The following NME7 variants were observed in gnomAD, a reference collection of about 807,000 sequenced individuals.
NME7 encodes nucleoside diphosphate kinase 7.
A neutral mutation model predicts 49.1 loss-of-function variants in NME7; 41 were observed. That is an observed-to-expected ratio of 0.83 (90% CI 0.65 to 1.08). The LOEUF (loss-of-function observed/expected upper bound fraction) is 1.08, where lower values mean the gene tolerates loss of function less well. Among genes scored for constraint, NME7 ranks in the 50% least tolerant of loss-of-function variants. The pLI, the probability that NME7 is intolerant of heterozygous loss-of-function variation, is 0.00. For synonymous variants in NME7, 139 were observed against 150.6 expected (o/e 0.92, Z 0.56); for missense variants, 423 against 463.4 (o/e 0.91, Z 0.80).
intron 9 of NME7, 139 bp from the exon 10 acceptor site, chr1:169,230,958 C>G (rs1295515745): frequency 6.2e-6 from 3 of 485,980 alleles, no homozygotes; most frequent in Non-Finnish European, 1.1e-5. Flanking sequence ...TCAAGCAGTT[C>G]CCAAATTCTG....
chr1:169,170,626 C>A lies in NME7; in HGVS notation c.991-1072G>T, dbSNP rs145691722. 6.1e-3 allele frequency among the ~76,000 whole-genome samples: 931 copies of A among 152,216 alleles called. 10 individuals are homozygous for A. The highest frequency in any genetic ancestry group is 0.021 in the African/African-American group (877 of 41,524). On this transcript the variant is annotated intron_variant, in intron 10 of 11. Transcript: ENST00000367811. ...GCAAGTAAGTATCCAATATTAAAAA[C>A]CTACTCAGCTGCGCGTGGTGGCCCA...
chr1:169,251,653 G>A (rs1238176492), intron 7 of NME7, among the ~76,000 whole-genome samples: 1 of 144,498 alleles, frequency 6.9e-6, no homozygotes, highest in African/African-American at 2.6e-5. Flanking sequence ...CTGGTGCACT[G>A]CACCCACTAA....
At position 169,260,581 on chromosome 1, in the gene NME7, A is replaced by G. The variant is rs1298809435; in HGVS notation, c.755-22894T>C. On this transcript the variant is annotated intron_variant, in intron 7 of 11. Transcript: ENST00000367811. Reference sequence around the variant, plus strand: ...AAGATTAGCCCAGCTCTTGGGTAGAAGAAAAAAAAAAAAGCCTGAAAAGCA... The same window carrying G: ...AAGATTAGCCCAGCTCTTGGGTAGAGGAAAAAAAAAAAAGCCTGAAAAGCA... Among the ~76,000 whole-genome samples, 16 of 130,366 alleles carry G rather than the reference A, an allele frequency of 1.2e-4. 2 individuals carry two copies. Among genetic ancestry groups the G allele is most frequent in the Admixed American group, 1.2e-3 (16 of 13,206 alleles). 85.5% of individuals were successfully genotyped at this position (130,366 alleles called of 152,430 possible).
intron 10 of NME7, among the ~76,000 whole-genome samples, chr1:169,193,100 C>T (rs1246320953): frequency 6.6e-6 from 1 of 151,918 alleles, no homozygotes; most frequent in Non-Finnish European, 1.5e-5. Context: ...CACTTAAGGC[C>T]AGGAGTTTGA....
intron 7 of NME7, chr1:169,283,734 G>C (rs1289569283): frequency 6.6e-6 from 1 of 152,116 alleles, no homozygotes; most frequent in African/African-American, 2.4e-5. Context: ...TGAAATTCTG[G>C]GTTGAAAATT....
rs71121740 is a variant in NME7, at chr1:169,212,599, C to CTTTT, written c.990+18115_990+18118dup. Among the ~76,000 whole-genome samples the CTTTT allele has an allele frequency of 4.3e-3, 498 of 116,422 alleles. 4 individuals are homozygous for CTTTT. The highest frequency in any genetic ancestry group is 6.4e-3 in the Non-Finnish European group (375 of 58,504). 76.4% of individuals were successfully genotyped at this position (116,422 alleles called of 152,430 possible). On this transcript the variant is annotated intron_variant, in intron 10 of 11. Coordinates refer to ENST00000367811, the MANE Select transcript of NME7 (RefSeq NM_013330.5). The stretch of plus-strand genomic sequence containing the variant: ...CACTTCACACTTTAAAACAAATGTC[C>CTTTT]TTTTTTTTTTTTTTTTTTTTAAGTC...
intron 9 of NME7, among the ~76,000 whole-genome samples, chr1:169,232,273 G>T (rs1647653752): frequency 6.6e-6 from 1 of 151,954 alleles, no homozygotes; most frequent in African/African-American, 2.4e-5. Context: ...AAATAAGCAT[G>T]GAGAGAAAGA....
chr1:169,319,712 G>C (rs1651783404), intron 3 of NME7, among the ~76,000 whole-genome samples: 1 of 152,048 alleles, frequency 6.6e-6, no homozygotes, highest in South Asian at 2.1e-4. Context: ...GAAAAACAGG[G>C]GGGTCTTCCT....
chr1:169,253,459 T>G (rs1648734753), intron 7 of NME7, among the ~76,000 whole-genome samples: 1 of 151,944 alleles, frequency 6.6e-6, no homozygotes, highest in African/African-American at 2.4e-5. Context: ...AAGGAGATTT[T>G]GGGCTGAGAC....
At chr1:169,142,844 C>T (rs559307642) in intron 11 of NME7, among the ~76,000 whole-genome samples, 2 of 152,256 alleles carry the variant, frequency 1.3e-5, no homozygotes, top group South Asian at 2.1e-4. Context: ...ATCCTGGAGC[C>T]GGCACAGGAA....
Position 169,310,088 on chromosome 1 carries a change from G to A in NME7, c.279-8C>T. ...TTAATTAGGGCTAGCGTTCTATAAG[G>A]AAACAAAAAATAAGTTTGCAAATAA... On this transcript the variant is annotated splice_polypyrimidine_tract_variant and splice_region_variant and intron_variant, in intron 3 of 11. Transcript: ENST00000367811. The A allele has an allele frequency of 6.6e-7, 1 of 1,522,004 alleles. No homozygotes were observed. 94.3% of individuals were successfully genotyped at this position (1,522,004 alleles called of 1,614,324 possible). A position where few individuals can be genotyped will look rare whatever the true frequency, so the allele number is the denominator to read the frequency against.
chr1:169,156,804 C>T (rs1225294949), intron 11 of NME7, among the ~76,000 whole-genome samples: 1 of 152,120 alleles, frequency 6.6e-6, no homozygotes, highest in Non-Finnish European at 1.5e-5. Flanking sequence ...ATCCAAGATT[C>T]TTTTATCTGA....
chr1:169,323,069 G>A, intron 3 of NME7, 48 bp downstream of exon 3: 2 of 1,430,080 alleles, frequency 1.4e-6, no homozygotes, highest in Non-Finnish European at 1.8e-6. Context: ...GATTGACTTT[G>A]AACCCAAAGT....
At chr1:169,200,540 T>C (rs1557984954) in intron 10 of NME7, among the ~76,000 whole-genome samples, 1 of 152,094 alleles carries the variant, frequency 6.6e-6, no homozygotes, top group East Asian at 1.9e-4. Flanking sequence ...GCCTTTCATA[T>C]GCAAACCAAC....
intron 10 of NME7, among the ~76,000 whole-genome samples, chr1:169,228,984 GA>G (rs1188726741): frequency 6.6e-6 from 1 of 152,078 alleles, no homozygotes; most frequent in African/African-American, 2.4e-5. Flanking sequence ...TTTCTCTATT[GA>G]TGTCATCAGG....
In NME7 at chr1:169,298,490, C is replaced by T. The variant is rs944633387; in HGVS notation, c.648+66G>A. 65 of 1,495,594 alleles carry T rather than the reference C, an allele frequency of 4.3e-5. No individual in the cohort carries two copies. In the Admixed American group the frequency reaches 6.2e-4, roughly 14 times the overall value. 92.6% of individuals were successfully genotyped at this position (1,495,594 alleles called of 1,614,324 possible). A position where few individuals can be genotyped will look rare whatever the true frequency, so the allele number is the denominator to read the frequency against. On this transcript the variant is annotated intron_variant, in intron 6 of 11. Transcript: ENST00000367811. ...CCCTAAGTCACCAGTGATAGAAATG[C>T]TTTCCTTTGATATAAAACATTTAAC...
intron 11 of NME7, among the ~76,000 whole-genome samples, chr1:169,133,668 T>C (rs1161449239): frequency 1.3e-5 from 2 of 152,346 alleles, no homozygotes; most frequent in African/African-American, 2.4e-5. Flanking sequence ...TTAACTTTAA[T>C]AGTTGAAGTC....
chr1:169,241,246 T>C (rs1648074156), intron 7 of NME7, among the ~76,000 whole-genome samples: 1 of 152,112 alleles, frequency 6.6e-6, no homozygotes, highest in South Asian at 2.1e-4. Context: ...ATGGCTTTTT[T>C]TTCCCCCTGC....
intron 11 of NME7, among the ~76,000 whole-genome samples, chr1:169,158,200 A>C (rs1027225533): frequency 6.6e-6 from 1 of 152,182 alleles, no homozygotes; most frequent in Non-Finnish European, 1.5e-5. Context: ...TGGATGCCTG[A>C]AACTGTGGAT....
Sources: gnomAD v4.1 joint callset for allele counts (sites outside exome capture counted in the v4.1 genomes callset) on GRCh38, gnomAD v4.1.1 for gene constraint, MANE v1.5 for transcripts, NCBI Gene and HGNC (gene_info 2026-07-23, HGNC 2026-07-21) for gene names.